The following FHIT variants were observed in gnomAD, a reference collection of about 807,000 sequenced individuals.
The protein encoded by FHIT is fragile histidine triad diadenosine triphosphatase.
FHIT carries 19 observed loss-of-function variants against 17.9 expected under a neutral mutation model. That is an observed-to-expected ratio of 1.06 (90% CI 0.74 to 1.56). FHIT has a LOEUF of 1.56. Among genes scored for constraint, FHIT ranks in the 40% most tolerant of loss-of-function variants. The probability of loss-of-function intolerance (pLI) is 0.00; values close to 1 mark genes in which losing one functional copy is unlikely to be tolerated. For synonymous variants in FHIT, 81 were observed against 69.7 expected, an observed-to-expected ratio of 1.16 and a Z score of -0.81; for missense variants, 248 against 189.2, an observed-to-expected ratio of 1.31 and a Z score of -1.82.
At chr3:61,228,785 TG>T (rs1385090143) in intron 1 of FHIT, among the ~76,000 whole-genome samples, 1 of 152,142 alleles carries the variant, frequency 6.6e-6, no homozygotes, top group Non-Finnish European at 1.5e-5. Flanking sequence ...ATAAGAAACC[TG>T]GGGATGTTCA....
At position 60,861,168 on chromosome 3, in the gene FHIT, ATGTTC is replaced by A. The variant is rs372829917; in HGVS notation, c.-110-39162_-110-39158del. Reference sequence around the variant, plus strand: ...TATGATCTATATACATATATATCATATGTTCTATGATATATATGATATATATCATA... The same window carrying A: ...TATGATCTATATACATATATATCATATATGATATATATGATATATATCATA... On this transcript the variant is annotated intron_variant, in intron 3 of 9. Transcript: ENST00000492590. Among the ~76,000 whole-genome samples the A allele has an allele frequency of 2.5e-3, 36 of 14,294 alleles. 1 individual carries two copies. Among genetic ancestry groups the A allele is most frequent in the African/African-American group, 7.0e-3 (26 of 3,694 alleles). The allele number at this position is 14,294 out of a possible 152,430, so 9.4% of individuals were successfully genotyped here.
At chr3:60,965,540 C>G (rs539860231) in intron 3 of FHIT, among the ~76,000 whole-genome samples, 2 of 152,306 alleles carry the variant, frequency 1.3e-5, no homozygotes, top group African/African-American at 4.8e-5. Flanking sequence ...TTCAGCTTTT[C>G]TGCTCTGGTT....
At chr3:60,725,427 C>A (rs1214291192) in intron 4 of FHIT, among the ~76,000 whole-genome samples, 2 of 152,080 alleles carry the variant, frequency 1.3e-5, no homozygotes, top group Non-Finnish European at 2.9e-5. Flanking sequence ...TTAGCTTTTC[C>A]ATTTAGGACT....
chr3:61,048,163 G>A (rs1161778428), intron 2 of FHIT, among the ~76,000 whole-genome samples: 1 of 152,044 alleles, frequency 6.6e-6, no homozygotes, highest in African/African-American at 2.4e-5. Flanking sequence ...CACAGCAAAA[G>A]AAACCACCAT....
chr3:61,066,898 T>C (rs1164929952), intron 2 of FHIT, among the ~76,000 whole-genome samples: 1 of 152,176 alleles, frequency 6.6e-6, no homozygotes, highest in East Asian at 1.9e-4. Flanking sequence ...TGGGGTGCTA[T>C]GTGAGGAGCT....
intron 5 of FHIT, among the ~76,000 whole-genome samples, chr3:60,183,235 T>C (rs1403377687): frequency 6.6e-6 from 1 of 151,900 alleles, no homozygotes; most frequent in African/African-American, 2.4e-5. Context: ...CCATCTCTAC[T>C]AAAAATACAA....
chr3:60,204,730 AG>A (rs1427682922), intron 5 of FHIT, among the ~76,000 whole-genome samples: 2 of 152,208 alleles, frequency 1.3e-5, no homozygotes, highest in Admixed American at 1.3e-4. Context: ...AATGAAAATA[AG>A]GGGAAATACC....
chr3:60,119,808 C>T (rs1488786924), intron 5 of FHIT, among the ~76,000 whole-genome samples: 1 of 152,266 alleles, frequency 6.6e-6, no homozygotes, highest in East Asian at 1.9e-4. Context: ...CTAATCAAAT[C>T]TACCACAGAG....
intron 2 of FHIT, among the ~76,000 whole-genome samples, chr3:61,162,484 A>G (rs2037725355): frequency 6.6e-6 from 1 of 152,218 alleles, no homozygotes; most frequent in African/African-American, 2.4e-5. Context: ...TAAATGGTTT[A>G]GCAGTGAATT....
intron 4 of FHIT, among the ~76,000 whole-genome samples, chr3:60,794,139 C>T (rs186041612): frequency 2.0e-5 from 3 of 152,120 alleles, no homozygotes; most frequent in South Asian, 4.2e-4. Flanking sequence ...CCTTTGTTTA[C>T]AGTTTTCTAT....
intron 4 of FHIT, among the ~76,000 whole-genome samples, chr3:60,604,240 C>T (rs555891299): frequency 2.0e-5 from 3 of 152,182 alleles, no homozygotes; most frequent in Non-Finnish European, 2.9e-5. Flanking sequence ...GGCAGAACCA[C>T]GCAATTAATT....
rs142048929 is a variant in FHIT, at chr3:61,096,729, T to C, written c.-163-54630A>G. Among the ~76,000 whole-genome samples, 977 of 152,326 alleles carry C rather than the reference T, an allele frequency of 6.4e-3. 5 individuals are homozygous for C. Among genetic ancestry groups the C allele is most frequent in the African/African-American group, 9.6e-3 (400 of 41,580 alleles). Reference sequence around the variant, plus strand: ...GACAAAAGTAGATGTTCATGCTTTGTGCTAGAAGAGCATAGACTTAGCCAG... The same window carrying C: ...GACAAAAGTAGATGTTCATGCTTTGCGCTAGAAGAGCATAGACTTAGCCAG... On this transcript the variant is annotated intron_variant, in intron 2 of 9. Coordinates refer to ENST00000492590, the MANE Select transcript of FHIT (RefSeq NM_002012.4).
At chr3:60,549,749 T>C (rs1363527067) in intron 4 of FHIT, among the ~76,000 whole-genome samples, 1 of 152,198 alleles carries the variant, frequency 6.6e-6, no homozygotes. Flanking sequence ...TAATGTCTCC[T>C]AGGCAACCAG....
intron 5 of FHIT, among the ~76,000 whole-genome samples, chr3:60,132,772 G>A (rs2107272146): frequency 6.6e-6 from 1 of 152,214 alleles, no homozygotes; most frequent in South Asian, 2.1e-4. Flanking sequence ...ACATTCAACA[G>A]CTAAGGTAAA....
rs150856979 is a variant in FHIT, at chr3:60,554,065, C to T, written c.-17-17086G>A. ...TTGTGCTGCGCCACTGCACTCCAGC[C>T]TGGGTAACAAAGCAAGACTTCATCT... is the stretch of plus-strand genomic sequence containing the variant. On this transcript the variant is annotated intron_variant, in intron 4 of 9. Coordinates refer to ENST00000492590, the MANE Select transcript of FHIT (RefSeq NM_002012.4). Among the ~76,000 whole-genome samples, 369 of 152,036 alleles carry T rather than the reference C, an allele frequency of 2.4e-3. 1 individual carries two copies. The highest frequency in any genetic ancestry group is 8.1e-3 in the African/African-American group (335 of 41,478).
chr3:60,022,468 C>G (rs1700588345), intron 5 of FHIT, among the ~76,000 whole-genome samples: 1 of 152,180 alleles, frequency 6.6e-6, no homozygotes, highest in Non-Finnish European at 1.5e-5. Flanking sequence ...CCCTTAACTT[C>G]TAGTATGTGA....
chr3:61,140,765 T>C (rs1220003089), intron 2 of FHIT, among the ~76,000 whole-genome samples: 4 of 152,096 alleles, frequency 2.6e-5, no homozygotes, highest in East Asian at 3.9e-4. Context: ...TAAACATACA[T>C]AGCATACCAG....
chr3:60,204,444 G>GTTTTTTTTTTT (rs56126245), intron 5 of FHIT, among the ~76,000 whole-genome samples: 2 of 115,006 alleles, frequency 1.7e-5, no homozygotes, highest in Non-Finnish European at 3.8e-5. Context: ...TAATATTCTG[G>GTTTTTTTTTTT]TTTTTTTTTT....
At chr3:60,521,572 T>A (rs2035370709) in intron 5 of FHIT, among the ~76,000 whole-genome samples, 2 of 152,158 alleles carry the variant, frequency 1.3e-5, no homozygotes, top group African/African-American at 4.8e-5. Context: ...TATACCATGC[T>A]TCCAATATGC....
Sources: allele counts gnomAD v4.1 joint callset (sites outside exome capture counted in the v4.1 genomes callset), GRCh38; gene constraint gnomAD v4.1.1; transcripts MANE v1.5; gene names NCBI Gene and HGNC (gene_info 2026-07-23, HGNC 2026-07-21).